The following PLXNA4 variants were observed in gnomAD, a reference collection of about 807,000 sequenced individuals.
The protein encoded by PLXNA4 is plexin A4.
Under a neutral mutation model 191.8 loss-of-function variants are expected in PLXNA4, and 44 were observed. The ratio of observed to expected loss-of-function variants is 0.23; its 90% CI spans 0.18 to 0.29. The LOEUF is 0.29. Among genes scored for constraint, PLXNA4 ranks in the 10% least tolerant of loss-of-function variants. The pLI, the probability that PLXNA4 is intolerant of heterozygous loss-of-function variation, is 1.00. For missense variants in PLXNA4, 1,800 were observed against 2,488.8 expected (o/e 0.72, Z 5.89); for synonymous variants, 1,082 against 1,009.5 (o/e 1.07, Z -1.36).
At chr7:132,144,785 G>A (rs1239008698) in intron 29 of PLXNA4, among the ~76,000 whole-genome samples, 1 of 152,204 alleles carries the variant, frequency 6.6e-6, no homozygotes, top group African/African-American at 2.4e-5. Flanking sequence ...AGGCACCCAG[G>A]AGGTACTTGG....
At chr7:132,287,917 A>G (rs1354655551) in intron 4 of PLXNA4, among the ~76,000 whole-genome samples, 1 of 152,176 alleles carries the variant, frequency 6.6e-6, no homozygotes, top group Non-Finnish European at 1.5e-5. Context: ...AGTTCTGATC[A>G]CATCTGCACT....
intron 30 of PLXNA4, among the ~76,000 whole-genome samples, chr7:132,137,696 G>T (rs1157501619): frequency 6.9e-6 from 1 of 145,874 alleles, no homozygotes; most frequent in South Asian, 2.4e-4. Context: ...AATGGGAGGG[G>T]AGGATGGGTG....
intron 3 of PLXNA4, among the ~76,000 whole-genome samples, chr7:132,359,057 A>G (rs1239493630): frequency 6.6e-6 from 1 of 152,200 alleles, no homozygotes; most frequent in Non-Finnish European, 1.5e-5. Context: ...GGTGGCCCTG[A>G]GAAAGCCATT....
intron 22 of PLXNA4, 105 bp downstream of exon 22, chr7:132,168,199 G>A (rs1796177100): frequency 1.4e-6 from 2 of 1,387,356 alleles, no homozygotes; most frequent in Admixed American, 6.3e-5. Flanking sequence ...TTGAACTTGG[G>A]AACATGGCTG....
At chr7:132,318,660 GCTT>G (rs1802041924) in intron 3 of PLXNA4, among the ~76,000 whole-genome samples, 1 of 118,758 alleles carries the variant, frequency 8.4e-6, no homozygotes, top group Non-Finnish European at 1.7e-5. Flanking sequence ...CACGCACTTT[GCTT>G]TTTTTTTTTT....
chr7:132,154,424 T>A (rs1795735191), intron 25 of PLXNA4, among the ~76,000 whole-genome samples: 1 of 152,114 alleles, frequency 6.6e-6, no homozygotes, highest in South Asian at 2.1e-4. Context: ...TTTTTTTTTT[T>A]TTTTTAATTA....
intron 16 of PLXNA4, among the ~76,000 whole-genome samples, chr7:132,183,033 G>C (rs1471703174): frequency 6.6e-6 from 1 of 152,188 alleles, no homozygotes; most frequent in African/African-American, 2.4e-5. Context: ...CCAATCAAAG[G>C]AGCATCTTCG....
chr7:132,420,791 A>G (rs1794822317), intron 3 of PLXNA4, among the ~76,000 whole-genome samples: 1 of 152,164 alleles, frequency 6.6e-6, no homozygotes, highest in Non-Finnish European at 1.5e-5. Flanking sequence ...TTCTCGTGAC[A>G]GTGAATGAGT....
At chr7:132,230,697 C>A (rs574158842) in intron 5 of PLXNA4, among the ~76,000 whole-genome samples, 1 of 152,184 alleles carries the variant, frequency 6.6e-6, no homozygotes, top group Admixed American at 6.5e-5. Flanking sequence ...GCACTGACAT[C>A]GCTATTAATA....
At chr7:132,468,973 A>T (rs1307746411) in intron 3 of PLXNA4, among the ~76,000 whole-genome samples, 3 of 151,968 alleles carry the variant, frequency 2.0e-5, no homozygotes, top group African/African-American at 7.3e-5. Context: ...AATGCTCGAA[A>T]GCTTCCAGCC....
intron 3 of PLXNA4, among the ~76,000 whole-genome samples, chr7:132,413,271 G>A (rs1170869117): frequency 6.6e-6 from 1 of 152,090 alleles, no homozygotes; most frequent in Non-Finnish European, 1.5e-5. Context: ...AGATTTCCTC[G>A]ATGGGGTCTT....
chr7:132,369,460 C>G (rs1350765904), intron 3 of PLXNA4, among the ~76,000 whole-genome samples: 1 of 152,100 alleles, frequency 6.6e-6, no homozygotes, highest in Non-Finnish European at 1.5e-5. Context: ...CCTCAAGAAG[C>G]CTTCCAAGGA....
chr7:132,471,955 G>A (rs1242153594), intron 3 of PLXNA4, among the ~76,000 whole-genome samples: 1 of 152,124 alleles, frequency 6.6e-6, no homozygotes, highest in East Asian at 1.9e-4. Flanking sequence ...CCCAAAAAGG[G>A]ACACACCTGC....
chr7:132,166,233 C>T (rs1056119326), intron 22 of PLXNA4, among the ~76,000 whole-genome samples: 9 of 151,252 alleles, frequency 6.0e-5, no homozygotes, highest in Non-Finnish European at 1.5e-5. Context: ...AGAAACTGTC[C>T]TATGGCAAAA....
chr7:132,546,366 A>C (rs1800306968), intron 1 of PLXNA4, among the ~76,000 whole-genome samples: 1 of 152,214 alleles, frequency 6.6e-6, no homozygotes, highest in Admixed American at 6.5e-5. Context: ...AGTGGGTTAA[A>C]TATGCTACCC....
At chr7:132,542,014 TAGA>T (rs1012598220) in intron 1 of PLXNA4, among the ~76,000 whole-genome samples, 6 of 152,298 alleles carry the variant, frequency 3.9e-5, no homozygotes, top group East Asian at 1.9e-4. Flanking sequence ...AATATATGTT[TAGA>T]AGAAGAGGTG....
At chr7:132,494,336 A>T (rs530067058) in intron 2 of PLXNA4, among the ~76,000 whole-genome samples, 1 of 152,190 alleles carries the variant, frequency 6.6e-6, no homozygotes, top group Admixed American at 6.5e-5. Flanking sequence ...TCCACCCCAG[A>T]CATATTGGAT....
At chr7:132,239,839 C>G (rs1798820430) in intron 5 of PLXNA4, among the ~76,000 whole-genome samples, 1 of 152,172 alleles carries the variant, frequency 6.6e-6, no homozygotes, top group South Asian at 2.1e-4. Context: ...GGTGGCACGG[C>G]CATAGACTGA....
intron 4 of PLXNA4, among the ~76,000 whole-genome samples, chr7:132,282,968 C>T (rs1800542303): frequency 6.6e-6 from 1 of 151,990 alleles, no homozygotes; most frequent in African/African-American, 2.4e-5. Context: ...CCTCGATCTC[C>T]TGGGCTCAAG....
Sources: allele counts gnomAD v4.1 joint callset (sites outside exome capture counted in the v4.1 genomes callset), GRCh38; gene constraint gnomAD v4.1.1; transcripts MANE v1.5; gene names NCBI Gene and HGNC (gene_info 2026-07-23, HGNC 2026-07-21).